Variants in CIB3 observed in about 807,000 individuals in gnomAD.
The protein encoded by CIB3 is calcium and integrin binding family member 3, also known as calcium and integrin-binding family member 3.
Under a neutral mutation model 23.4 loss-of-function variants are expected in CIB3, and 22 were observed. The ratio of observed to expected loss-of-function variants is 0.94; its 90% CI spans 0.67 to 1.34. CIB3 has a LOEUF of 1.34. Ranked by LOEUF, CIB3 falls within the 40% of genes most tolerant of loss-of-function variation. The pLI, the probability that CIB3 is intolerant of heterozygous loss-of-function variation, is 0.00. For synonymous variants in CIB3, 93 were observed against 95.8 expected (o/e 0.97, Z 0.17); for missense variants, 258 against 247.3 (o/e 1.04, Z -0.29).
intron 4 of CIB3, among the ~76,000 whole-genome samples, chr19:16,167,507 C>A (rs901535034): frequency 6.6e-6 from 1 of 151,956 alleles, no homozygotes; most frequent in African/African-American, 2.4e-5. Context: ...TGGGGAGAGG[C>A]CTACTTTTGA....
At chr19:16,171,683 T>G (rs918187441) in intron 2 of CIB3, among the ~76,000 whole-genome samples, 1 of 152,208 alleles carries the variant, frequency 6.6e-6, no homozygotes, top group Non-Finnish European at 1.5e-5. Flanking sequence ...TGTCTGTCCT[T>G]GGGGCCTTGG....
intron 2 of CIB3, among the ~76,000 whole-genome samples, chr19:16,170,731 A>G (rs994149163): frequency 6.6e-6 from 1 of 151,864 alleles, no homozygotes; most frequent in Non-Finnish European, 1.5e-5. Flanking sequence ...CCGAGGCAGG[A>G]GAATCACTTG....
At chr19:16,170,420 C>T (rs903556163) in intron 2 of CIB3, among the ~76,000 whole-genome samples, 2 of 152,300 alleles carry the variant, frequency 1.3e-5, no homozygotes, top group Middle Eastern at 3.4e-3. Flanking sequence ...AGCAAGCATT[C>T]AGAGAATCCT....
intron 5 of CIB3, among the ~76,000 whole-genome samples, chr19:16,163,906 A>T (rs8100843): frequency 0.68 from 103,178 of 152,070 alleles, 35,905 homozygotes; most frequent in East Asian, 0.95. Flanking sequence ...GACACAGAAA[A>T]GTGAATTTCG....
At chr19:16,161,859 G>C (rs914634518) in intron 5 of CIB3, among the ~76,000 whole-genome samples, 14 of 151,250 alleles carry the variant, frequency 9.3e-5, no homozygotes, top group Non-Finnish European at 1.8e-4. Context: ...TCTATTTTCA[G>C]TAGAAACGGA....
rs759036807 is a variant in CIB3 at position 16,161,414 on chromosome 19, C to T, written c.*51G>A. The T allele has an allele frequency of 3.8e-6, 6 of 1,588,300 alleles. No individual in the cohort carries two copies. Among genetic ancestry groups the T allele is most frequent in the East Asian group, 2.2e-5 (1 of 44,750 alleles). On this transcript the variant is annotated 3_prime_UTR_variant, in exon 6 of 6. Transcript: ENST00000269878. The stretch of plus-strand genomic sequence containing the variant: ...TATTCTCAGAAACCAGAGTCCACAG[C>T]GGGTGAGGGGTCACCCCGCCCTCCT...
At chr19:16,161,834 C>T (rs1420987420) in intron 5 of CIB3, among the ~76,000 whole-genome samples, 5 of 151,666 alleles carry the variant, frequency 3.3e-5, no homozygotes, top group South Asian at 4.2e-4. Context: ...CATGATACCA[C>T]GCCCAGTTAA....
intron 5 of CIB3, among the ~76,000 whole-genome samples, chr19:16,161,833 A>G (rs2091286199): frequency 6.6e-6 from 1 of 151,424 alleles, no homozygotes; most frequent in South Asian, 2.1e-4. Flanking sequence ...GCATGATACC[A>G]CGCCCAGTTA....
At chr19:16,169,185 C>G (rs1385450554) in intron 3 of CIB3, among the ~76,000 whole-genome samples, 1 of 152,062 alleles carries the variant, frequency 6.6e-6, no homozygotes, top group Non-Finnish European at 1.5e-5. Context: ...ACTCTGTCGC[C>G]CAGGCTGGAG....
chr19:16,162,243 C>CAAA (rs79329568), intron 5 of CIB3, among the ~76,000 whole-genome samples: 141 of 51,638 alleles, frequency 2.7e-3, no homozygotes, highest in Middle Eastern at 0.015. Context: ...CTTGTCTCCA[C>CAAA]AAAAAAAAAA....
chr19:16,172,754 A>G (rs572855006), intron 2 of CIB3, among the ~76,000 whole-genome samples: 67 of 152,074 alleles, frequency 4.4e-4, no homozygotes, highest in African/African-American at 1.6e-3. Flanking sequence ...GTTTAAGACC[A>G]GCCTGGGCAA....
intron 1 of CIB3, 34 bp downstream of exon 1, chr19:16,173,391 A>C: frequency 6.2e-7 from 1 of 1,606,560 alleles, no homozygotes; most frequent in Non-Finnish European, 8.5e-7. Flanking sequence ...CAAAGTTGTC[A>C]AACCCACTGA....
At position 16,173,152 on chromosome 19, in the gene CIB3, C is replaced by A. The variant is rs1012452020; in HGVS notation, c.86+10G>T. 1 of 1,613,816 alleles carries A rather than the reference C, an allele frequency of 6.2e-7. No individual in the cohort carries two copies. Among genetic ancestry groups the A allele is most frequent in the Non-Finnish European group, 8.5e-7 (1 of 1,180,012 alleles). On this transcript the variant is annotated intron_variant, in intron 2 of 5. Coordinates refer to ENST00000269878, the MANE Select transcript of CIB3 (RefSeq NM_054113.4). ...TTCCAGATCTTCTCTCCCTTCCTCC[C>A]TGGACTGACCTCATGATCTCCTTCC...
intron 3 of CIB3, among the ~76,000 whole-genome samples, chr19:16,169,102 G>A (rs1201361184): frequency 2.6e-5 from 4 of 151,918 alleles, no homozygotes; most frequent in Admixed American, 6.6e-5. Context: ...GTATTATCTC[G>A]TTTCATCCTC....
At chr19:16,161,625 G>A (rs886098864) in intron 5 of CIB3, 139 bp from the exon 6 acceptor site, 60 of 796,760 alleles carry the variant, frequency 7.5e-5, no homozygotes, top group Admixed American at 1.5e-4. Flanking sequence ...ACCCTAGGCC[G>A]GGAGACCCCT....
intron 5 of CIB3, among the ~76,000 whole-genome samples, chr19:16,163,328 G>C (rs1398775325): frequency 1.3e-5 from 2 of 152,140 alleles, no homozygotes; most frequent in Non-Finnish European, 2.9e-5. Flanking sequence ...GCCACAGTAG[G>C]TGAATCACTT....
chr19:16,167,177 CG>C (rs2091309225), intron 4 of CIB3, among the ~76,000 whole-genome samples: 1 of 152,010 alleles, frequency 6.6e-6, no homozygotes, highest in African/African-American at 2.4e-5. Flanking sequence ...GCTGAGATCG[CG>C]TCACTGCACT....
chr19:16,163,923 T>A (rs1284472159), intron 5 of CIB3, among the ~76,000 whole-genome samples: 1 of 152,158 alleles, frequency 6.6e-6, no homozygotes, highest in African/African-American at 2.4e-5. Context: ...TTCGTATCAC[T>A]GTCACGTGTC....
Position 16,168,276 on chromosome 19 carries a change from G to A in CIB3, c.207C>T (p.Pro69=). 6.2e-7 allele frequency: 1 copy of A among 1,613,824 alleles called. No homozygotes were observed. The highest frequency in any genetic ancestry group is 1.3e-5 in the African/African-American group (1 of 75,058). ...IGSMPELKDN[P]FRQRIAQVFS... ...ATACCTGGGCAATCCTCTGGCGGAAGGGGTTGTCCTGGGGACAGAAAGGAA... is the reference window on the plus strand; with the variant it reads ...ATACCTGGGCAATCCTCTGGCGGAAAGGGTTGTCCTGGGGACAGAAAGGAA... The change falls in exon 4 of 6, where the codon CCC becomes CCT. Residue 69 remains proline (P), a synonymous_variant. Coordinates refer to ENST00000269878, the MANE Select transcript of CIB3 (RefSeq NM_054113.4).
Sources: allele counts gnomAD v4.1 joint callset (sites outside exome capture counted in the v4.1 genomes callset), GRCh38; gene constraint gnomAD v4.1.1; transcripts MANE v1.5; gene names NCBI Gene and HGNC (gene_info 2026-07-23, HGNC 2026-07-21).